Variants in FYCO1 observed in about 807,000 individuals in gnomAD.
FYCO1 encodes FYVE and coiled-coil domain autophagy adaptor 1.
Under a neutral mutation model 165.1 loss-of-function variants are expected in FYCO1, and 122 were observed. That is an observed-to-expected ratio of 0.74 (90% confidence interval 0.64 to 0.86). The LOEUF (loss-of-function observed/expected upper bound fraction) is 0.86, where lower values mean the gene tolerates loss of function less well. Among genes scored for constraint, FYCO1 ranks in the 40% least tolerant of loss-of-function variants. The probability of loss-of-function intolerance (pLI) is 0.00; values close to 1 mark genes in which losing one functional copy is unlikely to be tolerated. For synonymous variants in FYCO1, 648 were observed against 742.5 expected, an observed-to-expected ratio of 0.87 and a Z score of 2.07; for missense variants, 1,702 against 1,810.3, an observed-to-expected ratio of 0.94 and a Z score of 1.09.
chr3:45,962,083 G>A lies in FYCO1; in HGVS notation c.3437+142C>T. 1 of 902,500 alleles carries A rather than the reference G, an allele frequency of 1.1e-6. No individual in the cohort carries two copies. The highest frequency in any genetic ancestry group is 1.8e-6 in the Non-Finnish European group (1 of 550,414). The allele number at this position is 902,500 out of a possible 1,614,324, so 55.9% of individuals were successfully genotyped here. A position where few individuals can be genotyped will look rare whatever the true frequency, so the allele number is the denominator to read the frequency against. On this transcript the variant is annotated intron_variant, in intron 11 of 17. Coordinates refer to ENST00000296137, the MANE Select transcript of FYCO1 (RefSeq NM_024513.4). The surrounding 1 kb of genome is among the most constrained non-coding windows in gnomAD (Gnocchi z 4.4). The stretch of plus-strand genomic sequence containing the variant: ...ACTCTAGTACTGGGGAAAGTGAGAT[G>A]GAGAAGGAGAGAGGGGCTCCTGAGA...
chr3:45,923,151 C>T (rs998065674), intron 17 of FYCO1, among the ~76,000 whole-genome samples: 4 of 152,248 alleles, frequency 2.6e-5, no homozygotes, highest in South Asian at 2.1e-4. Context: ...TGGCACCTGT[C>T]GCTCCCGCCA....
chr3:45,971,739 A>T (rs989264759), intron 6 of FYCO1, among the ~76,000 whole-genome samples: 1 of 152,262 alleles, frequency 6.6e-6, no homozygotes, highest in African/African-American at 2.4e-5. Flanking sequence ...TCAAAATTAA[A>T]GGGGACTAGA....
chr3:45,987,687 C>G (rs1707373384), intron 1 of FYCO1, among the ~76,000 whole-genome samples: 1 of 152,194 alleles, frequency 6.6e-6, no homozygotes, highest in Non-Finnish European at 1.5e-5. Context: ...TCTTTAAATG[C>G]AGCCCACTGG....
intron 1 of FYCO1, among the ~76,000 whole-genome samples, chr3:45,990,236 G>C (rs141939844): frequency 1.2e-3 from 189 of 152,320 alleles, no homozygotes; most frequent in Non-Finnish European, 2.2e-3. Context: ...CTGCCAGCCA[G>C]GTAAAAGGTA....
rs1705763499 is a variant in FYCO1, at chr3:45,962,508, C to T, written c.3270-116G>A. 1.6e-5 allele frequency: 15 copies of T among 917,126 alleles called. No individual in the cohort carries two copies. In the South Asian group the frequency reaches 1.7e-4, roughly 10 times the overall value. The allele number at this position is 917,126 out of a possible 1,614,324, so 56.8% of individuals were successfully genotyped here. ...TACTGCCCTCCGCCATGGGGGAGCC[C>T]CTTGGTATCTGCTCACAGCTTATGC... On this transcript the variant is annotated intron_variant, in intron 10 of 17. Transcript: ENST00000296137. This position sits in a 1 kb window ranked among gnomAD's most constrained non-coding sequence, Gnocchi z 4.4.
chr3:45,989,781 T>C (rs1707483009), intron 1 of FYCO1, among the ~76,000 whole-genome samples: 2 of 152,304 alleles, frequency 1.3e-5, no homozygotes, highest in African/African-American at 4.8e-5. Flanking sequence ...ACAGCCACTA[T>C]TCGAGTCCAT....
chr3:45,940,997 A>G (rs1704195662), intron 14 of FYCO1: 1 of 152,076 alleles, frequency 6.6e-6, no homozygotes, highest in South Asian at 2.1e-4. Flanking sequence ...TTCCTCCAGA[A>G]CAATTCCTCT....
At chr3:45,946,667 G>A (rs1248177535) in intron 14 of FYCO1, 1 of 1,614,222 alleles carries the variant, frequency 6.2e-7, no homozygotes, top group Non-Finnish European at 8.5e-7. Flanking sequence ...ACCATAAGTT[G>A]CAGAGCCTGA....
At chr3:45,942,035 G>C (rs888977530) in intron 14 of FYCO1, among the ~76,000 whole-genome samples, 2 of 152,222 alleles carry the variant, frequency 1.3e-5, no homozygotes, top group Non-Finnish European at 2.9e-5. Flanking sequence ...AGTCTATGCG[G>C]CCTCATGGTT....
intron 15 of FYCO1, among the ~76,000 whole-genome samples, chr3:45,934,089 G>A (rs2125802132): frequency 6.6e-6 from 1 of 152,272 alleles, no homozygotes; most frequent in South Asian, 2.1e-4. Flanking sequence ...ACAACACAGG[G>A]AAAAGAGAAT....
chr3:45,990,478 C>T (rs1187839389), intron 1 of FYCO1, among the ~76,000 whole-genome samples: 1 of 152,212 alleles, frequency 6.6e-6, no homozygotes, highest in Non-Finnish European at 1.5e-5. Flanking sequence ...TCATGATTCT[C>T]AGCCCTCACT....
At chr3:45,946,650 A>T (rs1314387848) in intron 14 of FYCO1, 2 of 1,614,154 alleles carry the variant, frequency 1.2e-6, no homozygotes, top group South Asian at 2.2e-5. Flanking sequence ...GGTCATATCC[A>T]TCTTCTACCA....
At chr3:45,922,218 C>T (rs537306629) in intron 17 of FYCO1, among the ~76,000 whole-genome samples, 4 of 152,336 alleles carry the variant, frequency 2.6e-5, no homozygotes, top group East Asian at 1.9e-4. Context: ...TTTTCCTACT[C>T]GGCAGCTAAC....
At chr3:45,954,555 T>C (rs9311380) in intron 14 of FYCO1, among the ~76,000 whole-genome samples, 71,755 of 152,024 alleles carry the variant, frequency 0.47, 18,386 homozygotes, top group South Asian at 0.71. Context: ...CTCTGAGCAA[T>C]TGCCAAGGGC....
intron 14 of FYCO1, chr3:45,948,136 G>GA (rs1233240246): frequency 6.0e-6 from 1 of 167,342 alleles, no homozygotes; most frequent in Admixed American, 6.5e-5. Flanking sequence ...TGGAATGCTT[G>GA]AAAAATGTGC....
chr3:45,953,243 C>T (rs552181400), intron 14 of FYCO1, among the ~76,000 whole-genome samples: 3 of 152,258 alleles, frequency 2.0e-5, no homozygotes, highest in South Asian at 2.1e-4. Flanking sequence ...CCTCTGAATT[C>T]TGGGCAGGAA....
intron 14 of FYCO1, among the ~76,000 whole-genome samples, chr3:45,942,225 C>T (rs1286558073): frequency 1.3e-5 from 2 of 152,250 alleles, no homozygotes; most frequent in African/African-American, 4.8e-5. Context: ...GCCTGACAGT[C>T]CTGGGTGACT....
chr3:45,919,012 T>A lies in FYCO1; in HGVS notation c.*2753A>T, dbSNP rs1262680015. 4.6e-5 allele frequency: 7 copies of A among 151,028 alleles called. No individual in the cohort carries two copies. In the East Asian group the frequency reaches 1.2e-3, roughly 25 times the overall value. 9.4% of individuals were successfully genotyped at this position (151,028 alleles called of 1,614,324 possible). A position where few individuals can be genotyped will look rare whatever the true frequency, so the allele number is the denominator to read the frequency against. On this transcript the variant is annotated 3_prime_UTR_variant, in exon 18 of 18. Transcript: ENST00000296137. ...GGCATGATGAAGAAGGCATCTGGTA[T>A]CGATATGAAGACGTAACTGTTATTC...
At chr3:45,981,424 T>C in intron 3 of FYCO1, 146 bp downstream of exon 3, 4 of 688,796 alleles carry the variant, frequency 5.8e-6, no homozygotes, top group South Asian at 3.0e-5. Flanking sequence ...GAGCTGGCAC[T>C]GGGGACTGCT....
Sources: gnomAD v4.1 joint callset for allele counts (sites outside exome capture counted in the v4.1 genomes callset) on GRCh38, gnomAD v4.1.1 for gene constraint, Gnocchi (gnomAD v3.1) non-coding constraint, MANE v1.5 for transcripts, NCBI Gene and HGNC (gene_info 2026-07-23, HGNC 2026-07-21) for gene names.